Variants in UBR1 observed in about 807,000 individuals in gnomAD.
UBR1 encodes E3 ubiquitin-protein ligase UBR1.
Under a neutral mutation model 242.1 loss-of-function variants are expected in UBR1, and 102 were observed. The ratio of observed to expected loss-of-function variants is 0.42; its 90% CI spans 0.36 to 0.50. UBR1 has a LOEUF of 0.50. Among genes scored for constraint, UBR1 ranks in the 20% least tolerant of loss-of-function variants. The pLI is 0.01. For synonymous variants in UBR1, 675 were observed against 684.8 expected (o/e 0.99, Z 0.22); for missense variants, 1,772 against 2,101.8 (o/e 0.84, Z 3.07).
chr15:42,980,582 A>G (rs747771321), intron 37 of UBR1, among the ~76,000 whole-genome samples: 5 of 151,408 alleles, frequency 3.3e-5, no homozygotes, highest in Non-Finnish European at 7.4e-5. Context: ...TGTATGTCCT[A>G]TCTATCTATC....
At chr15:42,978,894 T>G (rs2032331992) in intron 37 of UBR1, among the ~76,000 whole-genome samples, 1 of 140,054 alleles carries the variant, frequency 7.1e-6, no homozygotes, top group Non-Finnish European at 1.6e-5. Flanking sequence ...ACGCCCGGCT[T>G]TTTTTTTTTT....
At chr15:42,973,521 C>T (rs1314679080) in intron 39 of UBR1, among the ~76,000 whole-genome samples, 2 of 152,092 alleles carry the variant, frequency 1.3e-5, no homozygotes, top group African/African-American at 4.8e-5. Flanking sequence ...TCTCAAACTC[C>T]CGGCTGAAGT....
chr15:43,042,174 C>T (rs942311811), intron 15 of UBR1, among the ~76,000 whole-genome samples: 3 of 152,146 alleles, frequency 2.0e-5, no homozygotes, highest in Non-Finnish European at 4.4e-5. Context: ...AGCAATTCCA[C>T]ATTTGGGTAT....
intron 39 of UBR1, among the ~76,000 whole-genome samples, chr15:42,972,426 T>A (rs970651904): frequency 6.6e-6 from 1 of 152,172 alleles, no homozygotes; most frequent in Non-Finnish European, 1.5e-5. Context: ...TGGAGTGTAG[T>A]GGTGCAGTCC....
intron 27 of UBR1, among the ~76,000 whole-genome samples, chr15:43,018,666 T>C (rs2033062908): frequency 6.6e-6 from 1 of 152,154 alleles, no homozygotes; most frequent in Admixed American, 6.5e-5. Context: ...GCTGGAACTA[T>C]AGGTGTGAGT....
intron 41 of UBR1, among the ~76,000 whole-genome samples, chr15:42,965,465 T>A (rs993284297): frequency 1.9e-5 from 2 of 104,198 alleles, no homozygotes; most frequent in Non-Finnish European, 4.4e-5. Flanking sequence ...TCATATGTAC[T>A]TTTTTTTTTT....
rs533250299 is a variant in UBR1, at chr15:43,044,079, A to C, written c.1669-684T>G. On this transcript the variant is annotated intron_variant, in intron 14 of 46. Transcript: ENST00000290650. ...AGAGATATAAAATAAATAAAGACAAAAATAAGAGAAATACAACTCCTATTC... is the reference window on the plus strand; with the variant it reads ...AGAGATATAAAATAAATAAAGACAACAATAAGAGAAATACAACTCCTATTC... Among the ~76,000 whole-genome samples, 9 of 152,340 alleles carry C rather than the reference A, an allele frequency of 5.9e-5. No homozygotes were observed. In the South Asian group the frequency reaches 1.7e-3, roughly 28 times the overall value.
Position 42,988,962 on chromosome 15 carries a change from T to C in UBR1, c.3854A>G (p.Lys1285Arg), listed in dbSNP as rs2032516500. Reference protein sequence around the residue: ...ILSFGVESSIKYSNSIKEMVI... With the variant: ...ILSFGVESSIRYSNSIKEMVI... ...CATTTCCTTGATGCTATTTGAATAT[T>C]TAATCCTATAAATAAAACAAGAAAA... The change falls in exon 35 of 47, where the codon AAA (lysine) becomes AGA (arginine). Residue 1285 changes from lysine (K) to arginine (R), a missense_variant. Transcript: ENST00000290650. 6.3e-7 allele frequency: 1 copy of C among 1,599,948 alleles called. No homozygotes were observed. The highest frequency in any genetic ancestry group is 1.7e-5 in the Admixed American group (1 of 59,984).
At position 43,058,416 on chromosome 15, in the gene UBR1, G is replaced by T; in HGVS notation, c.1107C>A (p.Ile369=). The change falls in exon 10 of 47, where the codon ATC becomes ATA. Residue 369 remains isoleucine, a synonymous_variant. Transcript: ENST00000290650. ...AACTGCTGAAGATCAATTCATGAAG[G>T]ATCTTACGGGCACCTATAGATTATT... ...DAKLYKGARK[I]LHELIFSSFF... The T allele has an allele frequency of 6.2e-7, 1 of 1,611,082 alleles. No individual in the cohort carries two copies. Among genetic ancestry groups the T allele is most frequent in the Non-Finnish European group, 8.5e-7 (1 of 1,178,538 alleles).
At chr15:43,069,868 A>C (rs1371524371) in intron 5 of UBR1, among the ~76,000 whole-genome samples, 1 of 152,190 alleles carries the variant, frequency 6.6e-6, no homozygotes, top group East Asian at 1.9e-4. Context: ...AAGTGACTTA[A>C]AAGGTTTAAC....
intron 3 of UBR1, among the ~76,000 whole-genome samples, chr15:43,077,805 T>A (rs965898773): frequency 1.3e-5 from 2 of 152,132 alleles, no homozygotes; most frequent in Non-Finnish European, 2.9e-5. Flanking sequence ...CCTTTCAGTG[T>A]TGTTGAAAAA....
chr15:42,970,724 T>C, intron 39 of UBR1, 117 bp from the exon 40 acceptor site: 3 of 957,304 alleles, frequency 3.1e-6, no homozygotes, highest in South Asian at 1.5e-5. Flanking sequence ...TGAGGTTCTT[T>C]CCTTTTTTTT....
rs1274395492 is a variant in UBR1 at position 42,943,555 on chromosome 15, C to T, written c.*1774G>A. 6.6e-6 allele frequency: 1 copy of T among 152,220 alleles called. No homozygotes were observed. The highest frequency in any genetic ancestry group is 1.5e-5 in the Non-Finnish European group (1 of 68,036). 9.4% of individuals were successfully genotyped at this position (152,220 alleles called of 1,614,324 possible). A position where few individuals can be genotyped will look rare whatever the true frequency, so the allele number is the denominator to read the frequency against. On this transcript the variant is annotated 3_prime_UTR_variant, in exon 47 of 47. Transcript: ENST00000290650. ...CTCTGTCCTCTTGAGAGCCTAACTC[C>T]AGAATTTATTAAGTTAATATAAAAA...
chr15:42,980,100 T>C (rs4338775), intron 37 of UBR1, among the ~76,000 whole-genome samples: 121,985 of 152,094 alleles, frequency 0.8, 49,949 homozygotes, highest in Non-Finnish European at 0.89. Context: ...TTTCTCAATG[T>C]TACAGCTTAC....
intron 28 of UBR1, among the ~76,000 whole-genome samples, chr15:43,016,432 C>G (rs2033024947): frequency 6.6e-6 from 1 of 152,110 alleles, no homozygotes; most frequent in South Asian, 2.1e-4. Context: ...ATAGCAATAA[C>G]ACAAATATTA....
At chr15:42,959,450 C>T (rs1043245305) in intron 43 of UBR1, among the ~76,000 whole-genome samples, 2 of 152,136 alleles carry the variant, frequency 1.3e-5, no homozygotes, top group African/African-American at 4.8e-5. Flanking sequence ...ATTTCTATAG[C>T]ACTAATGGTA....
intron 13 of UBR1, among the ~76,000 whole-genome samples, chr15:43,047,932 C>T (rs1045906072): frequency 1.3e-5 from 2 of 152,092 alleles, no homozygotes; most frequent in East Asian, 1.9e-4. Flanking sequence ...AACAGTAGGC[C>T]GGGCATGGCA....
At chr15:43,021,682 T>C (rs2033112435) in intron 26 of UBR1, among the ~76,000 whole-genome samples, 1 of 152,198 alleles carries the variant, frequency 6.6e-6, no homozygotes, top group Admixed American at 6.5e-5. Context: ...AACCATCCTT[T>C]TTCCTTTTTC....
rs2032104680 is a variant in UBR1, at chr15:42,966,284, G to A, written c.4460C>T (p.Ser1487Phe). 1 of 1,613,964 alleles carries A rather than the reference G, an allele frequency of 6.2e-7. No homozygotes were observed. Among genetic ancestry groups the A allele is most frequent in the Non-Finnish European group, 8.5e-7 (1 of 1,180,034 alleles). Residue 1487 changes from serine (S) to phenylalanine (F), a missense_variant and splice_region_variant, in exon 41 of 47, where the codon TCC becomes TTC. Physicochemically the swap from Ser to Phe is radical, Grantham distance 155. Around this residue, in one of 3 missense-constraint regions of UBR1, gnomAD observed 965 missense variants for 1,079.7 expected, o/e 0.89. Transcript: ENST00000290650. Reference protein sequence around the residue: ...FAEISQYTSGSIGCDIPGWYL... With the variant: ...FAEISQYTSGFIGCDIPGWYL... ...CCAGCCAGGAATATCACACCCAATG[G>A]AGCTAGGAGACAATAATTCCAGAAG...
Sources: allele counts gnomAD v4.1 joint callset (sites outside exome capture counted in the v4.1 genomes callset), GRCh38; gene constraint gnomAD v4.1.1; regional missense constraint gnomAD v4.1.1; transcripts MANE v1.5; gene names NCBI Gene and HGNC (gene_info 2026-07-23, HGNC 2026-07-21).